AP2B1: variants seen among roughly 807,000 people sequenced by gnomAD.
AP2B1 encodes adaptor related protein complex 2 subunit beta 1.
A neutral mutation model predicts 102.0 loss-of-function variants in AP2B1; 23 were observed. That is an observed-to-expected ratio of 0.23 (90% CI 0.16 to 0.32). The LOEUF is 0.32. Among genes scored for constraint, AP2B1 ranks in the 10% least tolerant of loss-of-function variants. AP2B1 has a pLI of 1.00. For synonymous variants in AP2B1, 381 were observed against 421.2 expected (o/e 0.90, Z 1.17); for missense variants, 541 against 1,157.4 (o/e 0.47, Z 7.73).
intron 1 of AP2B1, among the ~76,000 whole-genome samples, chr17:35,592,789 C>T (rs1467855223): frequency 1.3e-5 from 2 of 152,112 alleles, no homozygotes; most frequent in Admixed American, 6.5e-5. Context: ...GTGATCCACC[C>T]GGCAGCCTCA....
At chr17:35,665,023 C>T (rs1361906282) in intron 14 of AP2B1, among the ~76,000 whole-genome samples, 2 of 151,746 alleles carry the variant, frequency 1.3e-5, no homozygotes, top group African/African-American at 4.8e-5. Context: ...TATGCTATTC[C>T]TTATCAAGTC....
At position 35,681,336 on chromosome 17, in the gene AP2B1, G is replaced by T. The variant is rs587621582; in HGVS notation, c.2325-1359G>T. Among the ~76,000 whole-genome samples the T allele has an allele frequency of 9.2e-5, 14 of 152,302 alleles. No individual in the cohort carries two copies. The East Asian group carries it at 2.7e-3, about 29-fold the overall frequency. On this transcript the variant is annotated intron_variant, in intron 17 of 21. Coordinates refer to ENST00000610402, the MANE Select transcript of AP2B1 (RefSeq NM_001030006.2). The stretch of plus-strand genomic sequence containing the variant: ...AATAATCCTCTGGACTTATCAGTCA[G>T]GTTATCAAGCCTGTAAAATAATTTA...
intron 18 of AP2B1, among the ~76,000 whole-genome samples, chr17:35,689,950 G>A (rs1179156770): frequency 5.3e-5 from 8 of 152,184 alleles, no homozygotes; most frequent in Admixed American, 5.2e-4. Flanking sequence ...CTCTGGCTTG[G>A]AGCTCACTGA....
intron 5 of AP2B1, among the ~76,000 whole-genome samples, chr17:35,620,049 G>C (rs1317375783): frequency 6.6e-6 from 1 of 152,158 alleles, no homozygotes; most frequent in Non-Finnish European, 1.5e-5. Flanking sequence ...GCCTCCCAAA[G>C]TGCTGGGATT....
chr17:35,636,203 G>T (rs569036221), intron 9 of AP2B1, 138 bp from the exon 10 acceptor site: 2 of 596,956 alleles, frequency 3.4e-6, no homozygotes, highest in Non-Finnish European at 3.0e-6. Flanking sequence ...CTAGCCTGTA[G>T]TACAGCTTGG....
At chr17:35,646,611 A>T (rs1180054243) in intron 12 of AP2B1, among the ~76,000 whole-genome samples, 6 of 135,974 alleles carry the variant, frequency 4.4e-5, no homozygotes, top group African/African-American at 1.7e-4. Context: ...TTTGAGATGG[A>T]GTCTCACTCT....
At chr17:35,646,283 G>A (rs769445681) in intron 12 of AP2B1, among the ~76,000 whole-genome samples, 5 of 152,056 alleles carry the variant, frequency 3.3e-5, no homozygotes, top group Non-Finnish European at 5.9e-5. Flanking sequence ...TATTTATCTC[G>A]GTCTTGACGG....
chr17:35,623,314 A>C (rs908878484), intron 5 of AP2B1, among the ~76,000 whole-genome samples: 12 of 152,150 alleles, frequency 7.9e-5, no homozygotes, highest in Admixed American at 6.6e-5. Flanking sequence ...CTGTAATCCC[A>C]ACACTTTGGG....
At chr17:35,602,481 C>T (rs1420245039) in intron 3 of AP2B1, among the ~76,000 whole-genome samples, 1 of 152,142 alleles carries the variant, frequency 6.6e-6, no homozygotes, top group African/African-American at 2.4e-5. Context: ...AGTGGAAATA[C>T]AGTGTGAACC....
At chr17:35,663,293 T>A (rs2075396654) in intron 14 of AP2B1, among the ~76,000 whole-genome samples, 1 of 152,180 alleles carries the variant, frequency 6.6e-6, no homozygotes, top group Non-Finnish European at 1.5e-5. Context: ...CCTCAGACAG[T>A]TTTGAGAATA....
At chr17:35,604,762 A>G (rs1426196475) in intron 3 of AP2B1, among the ~76,000 whole-genome samples, 1 of 152,218 alleles carries the variant, frequency 6.6e-6, no homozygotes, top group Non-Finnish European at 1.5e-5. Context: ...TGTCTCAAAA[A>G]GAAAAAAAAG....
chr17:35,699,750 A>G (rs762058400), intron 18 of AP2B1, among the ~76,000 whole-genome samples: 90 of 152,296 alleles, frequency 5.9e-4, no homozygotes, highest in African/African-American at 2.0e-3. Flanking sequence ...TCATTGGTCA[A>G]TAGAGTTTGA....
intron 12 of AP2B1, among the ~76,000 whole-genome samples, chr17:35,643,426 C>T (rs1392131645): frequency 1.3e-5 from 2 of 152,160 alleles, no homozygotes; most frequent in Non-Finnish European, 2.9e-5. Flanking sequence ...AAGTTCTCAA[C>T]CTTATCATCA....
rs372606657 is a variant in AP2B1 at position 35,625,412 on chromosome 17, C to T, written c.716+825C>T. On this transcript the variant is annotated intron_variant, in intron 6 of 21. Coordinates refer to ENST00000610402, the MANE Select transcript of AP2B1 (RefSeq NM_001030006.2). ...GAACTAAAGCTCACTCTGATAGTTT[C>T]TTTCCATCACTGAAAGTACAAATAT... 8.5e-5 allele frequency among the ~76,000 whole-genome samples: 13 copies of T among 152,282 alleles called. No individual in the cohort carries two copies. The South Asian group carries it at 2.7e-3, about 32-fold the overall frequency.
intron 5 of AP2B1, among the ~76,000 whole-genome samples, chr17:35,617,088 C>T (rs1416250164): frequency 6.6e-6 from 1 of 152,106 alleles, no homozygotes; most frequent in African/African-American, 2.4e-5. Context: ...CAAAGTCTTG[C>T]TCTGTCGCGT....
At chr17:35,620,675 G>A (rs904689186) in intron 5 of AP2B1, among the ~76,000 whole-genome samples, 1 of 151,998 alleles carries the variant, frequency 6.6e-6, no homozygotes, top group East Asian at 1.9e-4. Context: ...AACTTGACTG[G>A]GTGTGGTGGT....
chr17:35,715,313 CAGAG>C (rs1485957513), intron 20 of AP2B1, among the ~76,000 whole-genome samples: 5 of 152,118 alleles, frequency 3.3e-5, no homozygotes, highest in East Asian at 1.9e-4. Context: ...GAGAGAGAGA[CAGAG>C]AGAGTTTCTT....
At chr17:35,643,613 A>G (rs536352693) in intron 12 of AP2B1, among the ~76,000 whole-genome samples, 17 of 152,348 alleles carry the variant, frequency 1.1e-4, no homozygotes, top group African/African-American at 4.1e-4. Context: ...CTGTTCTTAC[A>G]GATAGTCTGA....
intron 14 of AP2B1, 86 bp downstream of exon 14, chr17:35,657,877 T>A: frequency 7.9e-7 from 1 of 1,270,566 alleles, no homozygotes; most frequent in Non-Finnish European, 1.1e-6. Flanking sequence ...TTTTTAGAAC[T>A]AGACCTTTCC....
Sources: allele counts gnomAD v4.1 joint callset (sites outside exome capture counted in the v4.1 genomes callset), GRCh38; gene constraint gnomAD v4.1.1; transcripts MANE v1.5; gene names NCBI Gene and HGNC (gene_info 2026-07-23, HGNC 2026-07-21).